The following CSMD1 variants were observed in gnomAD, a reference collection of about 807,000 sequenced individuals.
CSMD1 encodes CUB and sushi domain-containing protein 1.
A neutral mutation model predicts 417.5 loss-of-function variants in CSMD1; 213 were observed. The ratio of observed to expected loss-of-function variants is 0.51; its 90% CI spans 0.46 to 0.57. The LOEUF (loss-of-function observed/expected upper bound fraction) is 0.57. Among genes scored for constraint, CSMD1 ranks in the 20% least tolerant of loss-of-function variants. The pLI, the probability that CSMD1 is intolerant of heterozygous loss-of-function variation, is 0.00. For synonymous variants in CSMD1, 2,862 were observed against 1,736.8 expected, an observed-to-expected ratio of 1.65 and a Z score of -16.11; for missense variants, 6,923 against 4,529.7, an observed-to-expected ratio of 1.53 and a Z score of -15.17.
intron 5 of CSMD1, among the ~76,000 whole-genome samples, chr8:3,843,544 A>C (rs1803272799): frequency 6.6e-6 from 1 of 152,224 alleles, no homozygotes; most frequent in African/African-American, 2.4e-5. Flanking sequence ...AAGTAAAAAA[A>C]AAACAAGTTA....
At chr8:3,087,333 T>C in intron 48 of CSMD1, 48 bp from the exon 49 acceptor site, 3 of 1,581,422 alleles carry the variant, frequency 1.9e-6, no homozygotes, top group Non-Finnish European at 2.6e-6. Context: ...AGCAAACAAA[T>C]GGCCAGTGCC....
chr8:3,232,851 T>C (rs1038582097), intron 26 of CSMD1, among the ~76,000 whole-genome samples: 75 of 152,136 alleles, frequency 4.9e-4, no homozygotes, highest in South Asian at 2.1e-4. Context: ...GAAATTTCAG[T>C]ATGTATTTAG....
chr8:3,580,366 C>T (rs185134261), intron 9 of CSMD1, among the ~76,000 whole-genome samples: 26 of 152,108 alleles, frequency 1.7e-4, no homozygotes, highest in Middle Eastern at 3.4e-3. Context: ...ATTTGACGAA[C>T]GGCATAAATG....
intron 21 of CSMD1, among the ~76,000 whole-genome samples, chr8:3,355,252 C>G (rs956567014): frequency 2.0e-5 from 3 of 151,920 alleles, no homozygotes; most frequent in African/African-American, 2.4e-5. Context: ...TGTATACATA[C>G]AGCCCTTTAA....
chr8:4,674,769 T>C (rs905769166), intron 1 of CSMD1, among the ~76,000 whole-genome samples: 3 of 152,272 alleles, frequency 2.0e-5, no homozygotes, highest in Non-Finnish European at 2.9e-5. Flanking sequence ...ATCAGCATGC[T>C]ATAGATTGAA....
chr8:4,740,302 C>T (rs1331180968), intron 1 of CSMD1, among the ~76,000 whole-genome samples: 2 of 152,098 alleles, frequency 1.3e-5, no homozygotes, highest in East Asian at 1.9e-4. Context: ...ATTATAGGGT[C>T]TTACATTTTA....
chr8:3,588,592 C>G (rs987387311), intron 8 of CSMD1, among the ~76,000 whole-genome samples: 4 of 152,128 alleles, frequency 2.6e-5, no homozygotes, highest in Non-Finnish European at 5.9e-5. Flanking sequence ...ACACCTCTAT[C>G]TTTTTCATGC....
intron 1 of CSMD1, among the ~76,000 whole-genome samples, chr8:4,777,408 C>T (rs951242797): frequency 1.3e-5 from 2 of 152,078 alleles, no homozygotes; most frequent in East Asian, 1.9e-4. Flanking sequence ...CTCAGGGGGA[C>T]ATCTCAAAAG....
chr8:3,969,944 C>T (rs768115322), intron 5 of CSMD1, among the ~76,000 whole-genome samples: 49 of 152,126 alleles, frequency 3.2e-4, no homozygotes, highest in South Asian at 4.1e-4. Flanking sequence ...TTTAAACAAC[C>T]TCTCCCAGCA....
At position 4,646,334 on chromosome 8, in the gene CSMD1, G is replaced by C. The variant is rs145921513; in HGVS notation, c.86-8776C>G. Among the ~76,000 whole-genome samples the C allele has an allele frequency of 3.3e-5, 5 of 152,276 alleles. No homozygotes were observed. The East Asian group carries it at 9.6e-4, about 29-fold the overall frequency. On this transcript the variant is annotated intron_variant, in intron 1 of 69. Coordinates refer to ENST00000635120, the MANE Select transcript of CSMD1 (RefSeq NM_033225.6). ...CACTTCATCTTGGGTCAGTAGGATT[G>C]AGTTGTTCCCTACATTTGAAATCAT... is the stretch of plus-strand genomic sequence containing the variant.
At chr8:4,150,213 C>G (rs1796496228) in intron 3 of CSMD1, among the ~76,000 whole-genome samples, 1 of 152,200 alleles carries the variant, frequency 6.6e-6, no homozygotes. Context: ...GGATCGGCCC[C>G]AGGAAAACAG....
At chr8:4,231,549 G>A (rs942306349) in intron 3 of CSMD1, among the ~76,000 whole-genome samples, 3 of 152,036 alleles carry the variant, frequency 2.0e-5, no homozygotes, top group South Asian at 2.1e-4. Context: ...TAAAGGCTAA[G>A]CAATGACAAC....
chr8:3,543,175 C>A (rs944847717), intron 10 of CSMD1, among the ~76,000 whole-genome samples: 1 of 152,164 alleles, frequency 6.6e-6, no homozygotes, highest in African/African-American at 2.4e-5. Flanking sequence ...GAGACCCAGG[C>A]ATGCTTGATG....
rs114530041 is a variant in CSMD1, at chr8:3,734,435, G to T, written c.931+19495C>A. Reference sequence around the variant, plus strand: ...ATTTAAAATACAGAAACTCTGCCAGGTGCGATGGCTCACGCCTGTAATCCC... The same window carrying T: ...ATTTAAAATACAGAAACTCTGCCAGTTGCGATGGCTCACGCCTGTAATCCC... On this transcript the variant is annotated intron_variant, in intron 6 of 69. Coordinates refer to ENST00000635120, the MANE Select transcript of CSMD1 (RefSeq NM_033225.6). 5.1e-3 allele frequency among the ~76,000 whole-genome samples: 775 copies of T among 152,318 alleles called. 8 individuals carry two copies. The highest frequency in any genetic ancestry group is 0.018 in the African/African-American group (741 of 41,578).
intron 2 of CSMD1, among the ~76,000 whole-genome samples, chr8:4,595,913 G>C (rs996883739): frequency 1.3e-5 from 2 of 151,906 alleles, no homozygotes; most frequent in Admixed American, 6.6e-5. Context: ...CCACTCTTAA[G>C]GCCTGACTGT....
intron 3 of CSMD1, among the ~76,000 whole-genome samples, chr8:4,036,554 C>T (rs1209300218): frequency 2.6e-5 from 4 of 152,128 alleles, no homozygotes. Flanking sequence ...AATATTTATT[C>T]TGTTCAATTT....
intron 9 of CSMD1, 124 bp from the exon 10 acceptor site, chr8:3,575,190 G>T: frequency 1.1e-6 from 1 of 899,914 alleles, no homozygotes; most frequent in Non-Finnish European, 1.6e-6. Context: ...AAAAAAAATG[G>T]TGCATGGACT....
At chr8:4,690,040 G>C (rs191664192) in intron 1 of CSMD1, among the ~76,000 whole-genome samples, 69 of 152,264 alleles carry the variant, frequency 4.5e-4, no homozygotes, top group Non-Finnish European at 7.6e-4. Context: ...AGAAGAGAAT[G>C]GGTTTGAAGC....
intron 1 of CSMD1, among the ~76,000 whole-genome samples, chr8:4,890,798 C>T (rs1804068225): frequency 3.9e-5 from 6 of 152,058 alleles, no homozygotes; most frequent in Admixed American, 3.9e-4. Flanking sequence ...TAATACATTC[C>T]GGTTAAGGAC....
Sources: gnomAD v4.1 joint callset for allele counts (sites outside exome capture counted in the v4.1 genomes callset) on GRCh38, gnomAD v4.1.1 for gene constraint, MANE v1.5 for transcripts, NCBI Gene and HGNC (gene_info 2026-07-23, HGNC 2026-07-21) for gene names.